SND1: variants seen among roughly 807,000 people sequenced by gnomAD.
SND1 encodes the protein staphylococcal nuclease domain-containing protein 1.
In SND1, 38 loss-of-function variants were observed where a neutral mutation model predicts 121.7. The ratio of observed to expected loss-of-function variants is 0.31; its 90% confidence interval spans 0.24 to 0.41. The LOEUF (loss-of-function observed/expected upper bound fraction) is 0.41. Ranked by LOEUF, SND1 falls within the 10% of genes least tolerant of loss-of-function variation. The pLI, the probability that SND1 is intolerant of heterozygous loss-of-function variation, is 1.00. For missense variants in SND1, 868 were observed against 1,184.6 expected (o/e 0.73, Z 3.92); for synonymous variants, 401 against 447.4 (o/e 0.90, Z 1.31).
At chr7:127,775,140 A>G (rs1409447117) in intron 10 of SND1, among the ~76,000 whole-genome samples, 2 of 152,214 alleles carry the variant, frequency 1.3e-5, no homozygotes, top group Non-Finnish European at 2.9e-5. Context: ...GCCAAGGAAT[A>G]CTAGGGATTG....
In SND1 at chr7:127,929,412, G is replaced by C. The variant is rs145512578; in HGVS notation, c.1669+83G>C. ...TACCCTCCTTTCCCCCTGTGTTCTA[G>C]ATAGGCCCTAGAGCCCACCAGCATG... is the stretch of plus-strand genomic sequence containing the variant. On this transcript the variant is annotated intron_variant, in intron 15 of 23. Transcript: ENST00000354725. The C allele has an allele frequency of 1.2e-3, 1,673 of 1,434,700 alleles. 2 individuals are homozygous for C. The highest frequency in any genetic ancestry group is 1.5e-3 in the Non-Finnish European group (1,536 of 1,024,014). 88.9% of individuals were successfully genotyped at this position (1,434,700 alleles called of 1,614,324 possible). A position where few individuals can be genotyped will look rare whatever the true frequency, so the allele number is the denominator to read the frequency against.
chr7:128,002,802 T>A (rs1466436455), intron 16 of SND1, among the ~76,000 whole-genome samples: 21 of 152,178 alleles, frequency 1.4e-4, no homozygotes, highest in Admixed American at 1.4e-3. Context: ...CTCCTTTGTG[T>A]CTCCATACTT....
intron 9 of SND1, among the ~76,000 whole-genome samples, chr7:127,715,268 T>C (rs1390988997): frequency 6.6e-6 from 1 of 152,198 alleles, no homozygotes; most frequent in Admixed American, 6.5e-5. Flanking sequence ...CATCTTTTCC[T>C]GTGCATTTGC....
At chr7:127,783,430 T>C (rs1034261601) in intron 10 of SND1, among the ~76,000 whole-genome samples, 1 of 152,242 alleles carries the variant, frequency 6.6e-6, no homozygotes, top group South Asian at 2.1e-4. Flanking sequence ...CTGATGAATA[T>C]TGTGTTAACA....
intron 16 of SND1, among the ~76,000 whole-genome samples, chr7:128,048,806 C>A (rs934911151): frequency 3.9e-5 from 6 of 152,156 alleles, no homozygotes; most frequent in Non-Finnish European, 2.9e-5. Context: ...ATCCTCAGTT[C>A]TCCAAATAAA....
intron 10 of SND1, among the ~76,000 whole-genome samples, chr7:127,762,706 T>A (rs763482548): frequency 6.6e-6 from 1 of 152,244 alleles, no homozygotes; most frequent in East Asian, 1.9e-4. Context: ...CAAGTTTGTC[T>A]TGATATGTGA....
intron 11 of SND1, among the ~76,000 whole-genome samples, chr7:127,837,991 T>C (rs1484001368): frequency 1.3e-5 from 2 of 152,184 alleles, no homozygotes; most frequent in South Asian, 4.1e-4. Context: ...CCCCTACTGC[T>C]ATGTTGTTCC....
intron 1 of SND1, among the ~76,000 whole-genome samples, chr7:127,672,919 A>T (rs1418009865): frequency 6.6e-6 from 1 of 152,054 alleles, no homozygotes; most frequent in Non-Finnish European, 1.5e-5. Context: ...TCAGTGCACC[A>T]TATCAGTGAG....
rs866058004 is a variant in SND1 at position 127,736,023 on chromosome 7, G to A, written c.1152+14623G>A. ...AAGAGTGAGGCCAACTCTGTGCAGA[G>A]ACTGAATTCTCCCTTTTTAATAGAG... is the stretch of plus-strand genomic sequence containing the variant. On this transcript the variant is annotated intron_variant, in intron 10 of 23. Transcript: ENST00000354725. Among the ~76,000 whole-genome samples the A allele has an allele frequency of 5.9e-5, 9 of 152,310 alleles. No individual in the cohort carries two copies. The South Asian group carries it at 8.3e-4, about 14-fold the overall frequency.
Position 128,052,562 on chromosome 7 carries a change from G to A in SND1, c.1780-21940G>A, listed in dbSNP as rs1011985340. On this transcript the variant is annotated intron_variant, in intron 16 of 23. Transcript: ENST00000354725. This position sits in a 1 kb window ranked among gnomAD's most constrained non-coding sequence, Gnocchi z 4.6. ...AGCTGTCTTCCAAGTCACGGATGTT[G>A]ACGAGGCCTGTGTGTGTATCTGCAT... Among the ~76,000 whole-genome samples, 1 of 152,232 alleles carries A rather than the reference G, an allele frequency of 6.6e-6. No homozygotes were observed. The highest frequency in any genetic ancestry group is 6.5e-5 in the Admixed American group (1 of 15,278).
Position 128,029,210 on chromosome 7 carries a change from A to T in SND1, c.1779+38154A>T, listed in dbSNP as rs1307923774. 1 of 1,614,118 alleles carries T rather than the reference A, an allele frequency of 6.2e-7. No individual in the cohort carries two copies. The highest frequency in any genetic ancestry group is 8.5e-7 in the Non-Finnish European group (1 of 1,180,028). On this transcript the variant is annotated intron_variant, in intron 16 of 23. Coordinates refer to ENST00000354725, the MANE Select transcript of SND1 (RefSeq NM_014390.4). The surrounding 1 kb of genome is among the most constrained non-coding windows in gnomAD (Gnocchi z 4.2). The stretch of plus-strand genomic sequence containing the variant: ...CCGGCTGGTAACCAGTGGACGTGGT[A>T]GGAACAGGCTTGTACTTTCGCGTTG...
chr7:127,783,831 A>G (rs572869776), intron 10 of SND1, among the ~76,000 whole-genome samples: 1 of 152,332 alleles, frequency 6.6e-6, no homozygotes, highest in East Asian at 1.9e-4. Context: ...TTGGTCATGT[A>G]TGAAATAGTA....
intron 8 of SND1, among the ~76,000 whole-genome samples, chr7:127,706,969 T>G (rs1341771477): frequency 6.6e-6 from 1 of 152,250 alleles, no homozygotes; most frequent in African/African-American, 2.4e-5. Flanking sequence ...TTTTAATCTT[T>G]GCACATATTC....
At position 128,029,703 on chromosome 7, in the gene SND1, C is replaced by G. The variant is rs775554444; in HGVS notation, c.1779+38647C>G. 3 of 1,613,948 alleles carry G rather than the reference C, an allele frequency of 1.9e-6. No individual in the cohort carries two copies. The highest frequency in any genetic ancestry group is 2.5e-6 in the Non-Finnish European group (3 of 1,180,024). On this transcript the variant is annotated intron_variant, in intron 16 of 23. Transcript: ENST00000354725. The surrounding 1 kb of genome is among the most constrained non-coding windows in gnomAD (Gnocchi z 4.2). ...GGTGGGTATATACTCTCGAAGCCAC[C>G]AGGCTAGCCACAGAATGTCACAATC... is the stretch of plus-strand genomic sequence containing the variant.
chr7:127,890,724 C>T (rs1384955789), intron 13 of SND1, among the ~76,000 whole-genome samples: 5 of 152,146 alleles, frequency 3.3e-5, no homozygotes, highest in Non-Finnish European at 7.4e-5. Flanking sequence ...ACTTAATGAG[C>T]ATTCATAGAT....
intron 15 of SND1, among the ~76,000 whole-genome samples, chr7:127,974,497 G>A (rs1802069267): frequency 6.6e-6 from 1 of 152,082 alleles, no homozygotes; most frequent in Non-Finnish European, 1.5e-5. Context: ...TCACTACCTC[G>A]GGAGCCATTT....
rs1338192044 is a variant in SND1 at position 127,694,962 on chromosome 7, A to G, written c.349+14A>G. Reference sequence around the variant, plus strand: ...ACCTTGGAAAAGGTGAGCTGCAGGGAGAGGACTCATTTCTCTCAAGTCTAA... The same window carrying G: ...ACCTTGGAAAAGGTGAGCTGCAGGGGGAGGACTCATTTCTCTCAAGTCTAA... On this transcript the variant is annotated intron_variant, in intron 3 of 23. Coordinates refer to ENST00000354725, the MANE Select transcript of SND1 (RefSeq NM_014390.4). The G allele has an allele frequency of 1.2e-6, 2 of 1,607,516 alleles. No individual in the cohort carries two copies. The highest frequency in any genetic ancestry group is 1.7e-6 in the Non-Finnish European group (2 of 1,176,546).
At chr7:128,064,617 C>T (rs1793283188) in intron 16 of SND1, among the ~76,000 whole-genome samples, 1 of 152,120 alleles carries the variant, frequency 6.6e-6, no homozygotes, top group African/African-American at 2.4e-5. Context: ...TGGAGATTCA[C>T]CTGGTGGAGC....
chr7:127,798,761 A>G (rs4731383), intron 10 of SND1, among the ~76,000 whole-genome samples: 143,842 of 152,252 alleles, frequency 0.94, 68,394 homozygotes, highest in Non-Finnish European at 1. Context: ...AAAAATTCAC[A>G]TGGTCAGATA....
Sources: allele counts gnomAD v4.1 joint callset (sites outside exome capture counted in the v4.1 genomes callset), GRCh38; gene constraint gnomAD v4.1.1; non-coding constraint Gnocchi (gnomAD v3.1); transcripts MANE v1.5; gene names NCBI Gene and HGNC (gene_info 2026-07-23, HGNC 2026-07-21).